Variants in TRAF1 observed in about 807,000 individuals in gnomAD.
The protein encoded by TRAF1 is TNF receptor-associated factor 1.
TRAF1 carries 23 observed loss-of-function variants against 40.9 expected under a neutral mutation model. That is an observed-to-expected ratio of 0.56 (90% CI 0.40 to 0.80). The LOEUF is 0.80. TRAF1 is among the 30% of genes least tolerant of loss of function. The pLI is 0.00. For missense variants in TRAF1, 477 were observed against 528.7 expected (o/e 0.90, Z 0.96); for synonymous variants, 206 against 218.8 (o/e 0.94, Z 0.52).
intron 3 of TRAF1, among the ~76,000 whole-genome samples, chr9:120,916,982 CA>C (rs1219692634): frequency 6.6e-6 from 1 of 152,090 alleles, no homozygotes; most frequent in Non-Finnish European, 1.5e-5. Flanking sequence ...TTCTAAGGGT[CA>C]AAGCTTGGTG....
At chr9:120,906,925 G>C (rs1285199161) in intron 7 of TRAF1, among the ~76,000 whole-genome samples, 1 of 152,156 alleles carries the variant, frequency 6.6e-6, no homozygotes, top group Non-Finnish European at 1.5e-5. Context: ...CTGGAGTACA[G>C]TGGCGCGATC....
At chr9:120,914,372 C>T in intron 3 of TRAF1, 72 bp from the exon 4 acceptor site, 1 of 1,322,682 alleles carries the variant, frequency 7.6e-7, no homozygotes, top group Non-Finnish European at 9.8e-7. Context: ...CTTCAATGCA[C>T]CAGGATCCAC....
chr9:120,913,562 C>T lies in TRAF1; in HGVS notation c.471G>A (p.Ala157=), dbSNP rs1015290217. ...GGTAGCAATCGACCTCCAGGTCCCCCGCCACTTCCACGGCTGCCTGCAGCT... is the reference window on the plus strand; with the variant it reads ...GGTAGCAATCGACCTCCAGGTCCCCTGCCACTTCCACGGCTGCCTGCAGCT... ...DLQLQAAVEV[A]GDLEVDCYRA... The change falls in exon 5 of 8, where the codon GCG becomes GCA. Residue 157 remains alanine, a synonymous_variant. Coordinates refer to ENST00000373887, the MANE Select transcript of TRAF1 (RefSeq NM_005658.5). 13 of 1,613,844 alleles carry T rather than the reference C, an allele frequency of 8.1e-6. No homozygotes were observed. The highest frequency in any genetic ancestry group is 5.3e-5 in the African/African-American group (4 of 74,942).
Position 120,913,397 on chromosome 9 carries a change from G to A in TRAF1, c.636C>T (p.His212=), listed in dbSNP as rs144841039. The A allele has an allele frequency of 2.1e-5, 34 of 1,613,786 alleles. 1 individual carries two copies. The African/African-American group carries it at 4.0e-4, about 19-fold the overall frequency. The part of the protein sequence containing the change: ...AVLNKEVEAS[H]LALATSIHQS... ...GGTGGATAGAGGTGGCCAGGGCCAG[G>A]TGGGAGGCCTCCACCTCCTTGTTGA... is the stretch of plus-strand genomic sequence containing the variant. Residue 212 remains histidine (H), a synonymous_variant, in exon 5 of 8, where the codon CAC becomes CAT. Transcript: ENST00000373887.
intron 3 of TRAF1, among the ~76,000 whole-genome samples, chr9:120,923,441 G>A (rs1349106138): frequency 6.6e-6 from 1 of 152,150 alleles, no homozygotes; most frequent in Non-Finnish European, 1.5e-5. Context: ...TTAGGTGGTG[G>A]GCCAGAATGT....
At chr9:120,909,840 C>T (rs1219022711) in intron 6 of TRAF1, among the ~76,000 whole-genome samples, 1 of 152,238 alleles carries the variant, frequency 6.6e-6, no homozygotes, top group Non-Finnish European at 1.5e-5. Flanking sequence ...TCCTGCCTCC[C>T]AGCAGCAGTT....
In TRAF1 at chr9:120,913,478, C is replaced by A; in HGVS notation, c.555G>T (p.Lys185Asn). 1 of 1,614,034 alleles carries A rather than the reference C, an allele frequency of 6.2e-7. No homozygotes were observed. The highest frequency in any genetic ancestry group is 8.5e-7 in the Non-Finnish European group (1 of 1,180,016). ...GCTTCCCCTCCAGCTCAGCCAGAAG[C>A]TTCTCCTTCATGAAGTGCTGCAGGG... ...ELALQHFMKE[K>N]LLAELEGKLR... is the part of the protein sequence containing the mutation. Residue 185 changes from lysine (K) to asparagine (N), a missense_variant, in exon 5 of 8, where the codon AAG becomes AAT. By Grantham distance (94) the Lys-to-Asn change is moderately conservative. Transcript: ENST00000373887.
At chr9:120,924,973 G>A (rs1462193322) in intron 2 of TRAF1, among the ~76,000 whole-genome samples, 1 of 152,198 alleles carries the variant, frequency 6.6e-6, no homozygotes, top group Non-Finnish European at 1.5e-5. Flanking sequence ...ACCAGAGCCT[G>A]AGCTGAACCC....
intron 4 of TRAF1, among the ~76,000 whole-genome samples, 169 bp from the exon 5 acceptor site, chr9:120,913,907 T>C (rs1588150305): frequency 1.3e-5 from 2 of 152,214 alleles, no homozygotes; most frequent in East Asian, 3.8e-4. Context: ...GCATCAGACA[T>C]GCCCACGATG....
Position 120,904,097 on chromosome 9 carries a change from GGGGCCTCTAGGCA to G in TRAF1, c.*910_*922del, listed in dbSNP as rs2046460726. On this transcript the variant is annotated 3_prime_UTR_variant, in exon 8 of 8. Transcript: ENST00000373887. ...CGGGATTCTGGAAAGCACCAAAGGT[GGGGCCTCTAGGCA>G]GGAAGAGGAAAGTTTATGCCCCTCT... is the stretch of plus-strand genomic sequence containing the variant. 1 of 152,262 alleles carries G rather than the reference GGGGCCTCTAGGCA, an allele frequency of 6.6e-6. No individual in the cohort carries two copies. Among genetic ancestry groups the G allele is most frequent in the Non-Finnish European group, 1.5e-5 (1 of 68,074 alleles). The allele number at this position is 152,262 out of a possible 1,614,324, so 9.4% of individuals were successfully genotyped here. A position where few individuals can be genotyped will look rare whatever the true frequency, so the allele number is the denominator to read the frequency against.
In TRAF1 at chr9:120,902,518, G is replaced by A. The variant is rs1055895; in HGVS notation, c.*2502C>T. The A allele has an allele frequency of 1.4e-5, 2 of 145,178 alleles. No homozygotes were observed. The highest frequency in any genetic ancestry group is 2.1e-4 in the East Asian group (1 of 4,792). The allele number at this position is 145,178 out of a possible 1,614,324, so 9.0% of individuals were successfully genotyped here. The stretch of plus-strand genomic sequence containing the variant: ...TGTGGGCAGGGCGGGGGGTGGGGGG[G>A]GGGGCGGTGGGCACTGCTGCATCTG... On this transcript the variant is annotated 3_prime_UTR_variant, in exon 8 of 8. Coordinates refer to ENST00000373887, the MANE Select transcript of TRAF1 (RefSeq NM_005658.5).
chr9:120,910,400 G>A (rs1025949525), intron 6 of TRAF1, among the ~76,000 whole-genome samples: 5 of 152,030 alleles, frequency 3.3e-5, no homozygotes, highest in South Asian at 2.1e-4. Context: ...CCGCTGCCTC[G>A]TTAAAAAAAA....
rs549316438 is a variant in TRAF1, at chr9:120,913,563, G to T, written c.470C>A (p.Ala157Glu). ...GTAGCAATCGACCTCCAGGTCCCCC[G>T]CCACTTCCACGGCTGCCTGCAGCTG... is the stretch of plus-strand genomic sequence containing the variant. The part of the protein sequence containing the change: ...DLQLQAAVEV[A>E]GDLEVDCYRA... Residue 157 changes from alanine to glutamate, a missense_variant, in exon 5 of 8, where the codon GCG becomes GAG. Coordinates refer to ENST00000373887, the MANE Select transcript of TRAF1 (RefSeq NM_005658.5). The T allele has an allele frequency of 1.9e-6, 3 of 1,613,890 alleles. No individual in the cohort carries two copies. Among genetic ancestry groups the T allele is most frequent in the Admixed American group, 1.7e-5 (1 of 60,034 alleles).
At chr9:120,926,925 A>T (rs2046645376), upstream of TRAF1, 1 of 152,176 alleles carries the variant, frequency 6.6e-6, no homozygotes, top group African/African-American at 2.4e-5. Flanking sequence ...CGCTAAACAA[A>T]TGCAAGATCA....
intron 3 of TRAF1, among the ~76,000 whole-genome samples, chr9:120,915,970 G>A (rs1202710021): frequency 1.3e-5 from 2 of 152,058 alleles, no homozygotes. Flanking sequence ...TTCACTCCTA[G>A]GAATTTACCT....
intron 7 of TRAF1, 30 bp from the exon 8 acceptor site, chr9:120,905,268 G>T: frequency 6.3e-7 from 1 of 1,575,556 alleles, no homozygotes; most frequent in Non-Finnish European, 8.6e-7. Flanking sequence ...GGGAGATCAG[G>T]CCCTACAGCA....
Position 120,914,458 on chromosome 9 carries a change from A to G in TRAF1, c.229-158T>C, listed in dbSNP as rs922333398. 6 of 1,230,918 alleles carry G rather than the reference A, an allele frequency of 4.9e-6. No individual in the cohort carries two copies. The African/African-American group carries it at 9.3e-5, about 19-fold the overall frequency. 76.2% of individuals were successfully genotyped at this position (1,230,918 alleles called of 1,614,324 possible). A position where few individuals can be genotyped will look rare whatever the true frequency, so the allele number is the denominator to read the frequency against. On this transcript the variant is annotated intron_variant, in intron 3 of 7. Transcript: ENST00000373887. ...TTGGCTATCTCCTTTCCACCCTTTA[A>G]GCTTCCACCCTTCCATGACCTTCCT...
At position 120,909,171 on chromosome 9, in the gene TRAF1, G is replaced by C. The variant is rs894499348; in HGVS notation, c.1032+59C>G. 6.9e-6 allele frequency: 11 copies of C among 1,583,104 alleles called. No individual in the cohort carries two copies. The African/African-American group carries it at 1.5e-4, about 21-fold the overall frequency. On this transcript the variant is annotated intron_variant, in intron 7 of 7. Coordinates refer to ENST00000373887, the MANE Select transcript of TRAF1 (RefSeq NM_005658.5). Reference sequence around the variant, plus strand: ...ACATGGCCAATTCATTGCCAAACCAGGACTAGGACTCAGGCTTCCATGCTC... The same window carrying C: ...ACATGGCCAATTCATTGCCAAACCACGACTAGGACTCAGGCTTCCATGCTC...
At chr9:120,921,217 A>G (rs1246500099) in intron 3 of TRAF1, among the ~76,000 whole-genome samples, 1 of 152,150 alleles carries the variant, frequency 6.6e-6, no homozygotes, top group Non-Finnish European at 1.5e-5. Context: ...ACCATGAATT[A>G]TAGTGCCTTC....
Sources: allele counts gnomAD v4.1 joint callset (sites outside exome capture counted in the v4.1 genomes callset), GRCh38; gene constraint gnomAD v4.1.1; transcripts MANE v1.5; gene names NCBI Gene and HGNC (gene_info 2026-07-23, HGNC 2026-07-21).